CDC42BPB: variants seen among roughly 807,000 people sequenced by gnomAD.
The protein encoded by CDC42BPB is CDC42 binding protein kinase beta.
CDC42BPB carries 37 observed loss-of-function variants against 214.9 expected under a neutral mutation model. The observed-to-expected ratio is 0.17, with a 90% CI of 0.13 to 0.23. The LOEUF (loss-of-function observed/expected upper bound fraction) is 0.23, where lower values mean the gene tolerates loss of function less well. Among genes scored for constraint, CDC42BPB ranks in the 10% least tolerant of loss-of-function variants. The pLI is 1.00. For missense variants in CDC42BPB, 1,694 were observed against 2,227.0 expected (o/e 0.76, Z 4.82); for synonymous variants, 931 against 884.0 (o/e 1.05, Z -0.94).
At chr14:103,041,407 C>CA (rs1006200248) in intron 1 of CDC42BPB, 287 of 638,312 alleles carry the variant, frequency 4.5e-4, no homozygotes, top group East Asian at 7.0e-4. Flanking sequence ...GATATGACAG[C>CA]AAAAAAAACA....
At chr14:102,977,636 C>G (rs530902807) in intron 9 of CDC42BPB, among the ~76,000 whole-genome samples, 26 of 152,362 alleles carry the variant, frequency 1.7e-4, no homozygotes, top group African/African-American at 6.3e-4. Flanking sequence ...TGGAAGCCAG[C>G]TCTCAGCTGA....
At chr14:103,041,667 C>A in intron 1 of CDC42BPB, 2 of 578,432 alleles carry the variant, frequency 3.5e-6, no homozygotes. Flanking sequence ...GAAATCACAC[C>A]AAGGTGCGCA....
At chr14:102,971,253 T>C (rs1227422812) in intron 13 of CDC42BPB, among the ~76,000 whole-genome samples, 1 of 152,264 alleles carries the variant, frequency 6.6e-6, no homozygotes, top group Non-Finnish European at 1.5e-5. Flanking sequence ...CTGCCAAATT[T>C]TTAAAGAAAT....
At chr14:102,976,142 T>A in intron 9 of CDC42BPB, 93 bp from the exon 10 acceptor site, 1 of 1,533,326 alleles carries the variant, frequency 6.5e-7, no homozygotes, top group Non-Finnish European at 8.7e-7. Flanking sequence ...GATAGTCTTT[T>A]TAAATCAGCA....
At chr14:102,950,334 G>A (rs937375453) in intron 25 of CDC42BPB, 132 bp downstream of exon 25, 6 of 1,248,864 alleles carry the variant, frequency 4.8e-6, no homozygotes, top group Admixed American at 4.0e-5. Context: ...GCCCAGGAGG[G>A]TAAGCCCCCT....
At chr14:102,948,960 G>A (rs956931180) in intron 26 of CDC42BPB, among the ~76,000 whole-genome samples, 2 of 151,988 alleles carry the variant, frequency 1.3e-5, no homozygotes, top group Admixed American at 6.5e-5. Flanking sequence ...ACTCACCCTC[G>A]CTGTCCTCAG....
intron 6 of CDC42BPB, 59 bp downstream of exon 6, chr14:102,986,428 C>G: frequency 8.7e-7 from 1 of 1,151,226 alleles, no homozygotes. Context: ...TGAAAACTTC[C>G]CTTCTGACTA....
intron 1 of CDC42BPB, among the ~76,000 whole-genome samples, chr14:103,028,183 A>C (rs1421315989): frequency 6.6e-6 from 1 of 152,236 alleles, no homozygotes; most frequent in African/African-American, 2.4e-5. Context: ...AATCTGTGAT[A>C]TGGGTCACAA....
intron 26 of CDC42BPB, among the ~76,000 whole-genome samples, chr14:102,949,209 C>T (rs1292874942): frequency 6.6e-6 from 1 of 152,208 alleles, no homozygotes; most frequent in Admixed American, 6.5e-5. Context: ...TGACCACTGT[C>T]CTCTTCTCAC....
chr14:102,938,104 C>T lies in CDC42BPB; in HGVS notation c.5004G>A (p.Glu1668=), dbSNP rs767731194. The T allele has an allele frequency of 1.2e-6, 2 of 1,613,970 alleles. No homozygotes were observed. The highest frequency in any genetic ancestry group is 2.2e-5 in the East Asian group (1 of 44,886). Residue 1668 remains glutamate, a splice_region_variant and synonymous_variant, in exon 36 of 37, where the codon GAG becomes GAA. Transcript: ENST00000361246. ...AGCACTGGACCTGGGCAAGTCTCAC[C>T]TCTTTGTCAAAGTCCTGGTCTGGAT... ...MSDPDQDFDK[E]PDSDSTKHST...
Position 102,981,059 on chromosome 14 carries a change from C to T in CDC42BPB, c.892-38G>A, listed in dbSNP as rs536068026. On this transcript the variant is annotated intron_variant, in intron 7 of 36. Coordinates refer to ENST00000361246, the MANE Select transcript of CDC42BPB (RefSeq NM_006035.4). ...GCAAAAACACCGGTGGACAGGTGGA[C>T]GCATTCAGAGAGTTTAAGGTGTACA... is the stretch of plus-strand genomic sequence containing the variant. The T allele has an allele frequency of 2.8e-5, 45 of 1,613,210 alleles. 1 individual carries two copies. The highest frequency in any genetic ancestry group is 1.3e-4 in the Admixed American group (8 of 59,962).
rs911796073 is a variant in CDC42BPB, at chr14:103,057,304, C to A, written c.-131G>T. ...CGGCGCCTCCTCGCCGCCCCGTCCG[C>A]GTCGTCGCGCCCCGGCCTAGGCCGA... On this transcript the variant is annotated 5_prime_UTR_variant, in exon 1 of 37. Coordinates refer to ENST00000361246, the MANE Select transcript of CDC42BPB (RefSeq NM_006035.4). The A allele has an allele frequency of 4.7e-5, 50 of 1,065,920 alleles. No individual in the cohort carries two copies. Among genetic ancestry groups the A allele is most frequent in the Non-Finnish European group, 5.4e-5 (48 of 884,098 alleles). The allele number at this position is 1,065,920 out of a possible 1,614,324, so 66.0% of individuals were successfully genotyped here.
intron 36 of CDC42BPB, 45 bp downstream of exon 36, chr14:102,938,059 C>T (rs764308894): frequency 6.3e-7 from 1 of 1,593,262 alleles, no homozygotes. Flanking sequence ...TTTCCTCCTG[C>T]AGTGGTGGCT....
intron 5 of CDC42BPB, among the ~76,000 whole-genome samples, chr14:102,998,677 C>T (rs1212724275): frequency 6.6e-6 from 1 of 152,216 alleles, no homozygotes; most frequent in East Asian, 1.9e-4. Context: ...CTCTGCCCCA[C>T]ACGCTCTCTC....
At chr14:102,937,952 A>C in intron 36 of CDC42BPB, 152 bp downstream of exon 36, 1 of 808,818 alleles carries the variant, frequency 1.2e-6, no homozygotes, top group Non-Finnish European at 2.1e-6. Flanking sequence ...GGGAGGGGAC[A>C]GCCACCCCGA....
intron 1 of CDC42BPB, among the ~76,000 whole-genome samples, chr14:103,014,914 G>C (rs761713171): frequency 1.3e-4 from 20 of 152,212 alleles, no homozygotes; most frequent in Non-Finnish European, 2.8e-4. Flanking sequence ...GCAGGAAGCA[G>C]TTCGCACCAA....
intron 8 of CDC42BPB, 130 bp from the exon 9 acceptor site, chr14:102,978,335 C>T (rs1893850308): frequency 6.7e-7 from 1 of 1,502,822 alleles, no homozygotes; most frequent in Non-Finnish European, 8.9e-7. Flanking sequence ...ATGCGGATTC[C>T]ATGGTGTCCT....
chr14:102,944,993 C>T lies in CDC42BPB; in HGVS notation c.3812-506G>A, dbSNP rs553668469. Among the ~76,000 whole-genome samples the T allele has an allele frequency of 3.9e-5, 6 of 152,048 alleles. No homozygotes were observed. Among genetic ancestry groups the T allele is most frequent in the African/African-American group, 7.2e-5 (3 of 41,470 alleles). On this transcript the variant is annotated intron_variant, in intron 29 of 36. Coordinates refer to ENST00000361246, the MANE Select transcript of CDC42BPB (RefSeq NM_006035.4). This position sits in a 1 kb window ranked among gnomAD's most constrained non-coding sequence, Gnocchi z 6.6. ...TGAAGACACTGCCCTCACACTCACA[C>T]GGCCCCCAGTGAAGACGCCGCCCTC...
At position 102,933,775 on chromosome 14, in the gene CDC42BPB, G is replaced by C; in HGVS notation, c.5073C>G (p.Pro1691=). The part of the protein sequence containing the change: ...NSSNPSGPPS[P]NSPHRSQLPL... The stretch of plus-strand genomic sequence containing the variant: ...GGAGCTGGCTCCTGTGGGGGGAGTT[G>C]GGGCTCGGTGGGCCGCTGGGGTTGG... Residue 1691 remains proline, a synonymous_variant, in exon 37 of 37, where the codon CCC becomes CCG. Coordinates refer to ENST00000361246, the MANE Select transcript of CDC42BPB (RefSeq NM_006035.4). The C allele has an allele frequency of 2.7e-6, 4 of 1,500,854 alleles. No individual in the cohort carries two copies. The highest frequency in any genetic ancestry group is 3.5e-6 in the Non-Finnish European group (4 of 1,138,804). 93.0% of individuals were successfully genotyped at this position (1,500,854 alleles called of 1,614,324 possible). A position where few individuals can be genotyped will look rare whatever the true frequency, so the allele number is the denominator to read the frequency against.
Sources: allele counts gnomAD v4.1 joint callset (sites outside exome capture counted in the v4.1 genomes callset), GRCh38; gene constraint gnomAD v4.1.1; non-coding constraint Gnocchi (gnomAD v3.1); transcripts MANE v1.5; gene names NCBI Gene and HGNC (gene_info 2026-07-23, HGNC 2026-07-21).